Variants in SPATA13 observed in about 807,000 individuals in gnomAD.
The protein encoded by SPATA13 is spermatogenesis associated 13.
A neutral mutation model predicts 104.0 loss-of-function variants in SPATA13; 50 were observed. The observed-to-expected ratio is 0.48, with a 90% CI of 0.38 to 0.61. The LOEUF (loss-of-function observed/expected upper bound fraction) is 0.61. SPATA13 is among the 20% of genes least tolerant of loss of function. SPATA13 has a pLI of 0.00. For missense variants in SPATA13, 1,524 were observed against 1,690.6 expected (o/e 0.90, Z 1.73); for synonymous variants, 606 against 667.5 (o/e 0.91, Z 1.42).
intron 3 of SPATA13, among the ~76,000 whole-genome samples, chr13:24,108,148 G>C (rs967920250): frequency 6.6e-6 from 1 of 152,166 alleles, no homozygotes; most frequent in Non-Finnish European, 1.5e-5. Context: ...GGGGGAAGGG[G>C]GGACACGCCC....
At chr13:24,271,029 T>A (rs901204338) in intron 4 of SPATA13, 3 of 717,312 alleles carry the variant, frequency 4.2e-6, no homozygotes, top group Non-Finnish European at 7.6e-6. Context: ...TCACTCTCTC[T>A]CTCTCTCTCT....
chr13:24,258,333 G>A (rs1235337235), intron 4 of SPATA13, among the ~76,000 whole-genome samples: 11 of 146,448 alleles, frequency 7.5e-5, no homozygotes, highest in Non-Finnish European at 1.0e-4. Context: ...TGTTTATACC[G>A]GAGTTTACCA....
Position 24,143,187 on chromosome 13 carries a change from G to A in SPATA13, c.-111-79632G>A, listed in dbSNP as rs1276181501. ...ATTCCTTTTCTGGCATTTTGGCCTGGTCCAAACCAGAGAAAGCCTGCAGAC... is the reference window on the plus strand; with the variant it reads ...ATTCCTTTTCTGGCATTTTGGCCTGATCCAAACCAGAGAAAGCCTGCAGAC... On this transcript the variant is annotated intron_variant, in intron 3 of 14. Coordinates refer to the SPATA13 transcript ENST00000424834. Among the ~76,000 whole-genome samples, 8 of 152,310 alleles carry A rather than the reference G, an allele frequency of 5.3e-5. No homozygotes were observed. In the East Asian group the frequency reaches 1.4e-3, roughly 26 times the overall value.
chr13:24,246,071 G>A (rs1029760920), intron 2 of SPATA13, among the ~76,000 whole-genome samples: 2 of 152,124 alleles, frequency 1.3e-5, no homozygotes, highest in Non-Finnish European at 1.5e-5. Flanking sequence ...GGCAGGGTGC[G>A]TGTCACGTAA....
In SPATA13 at chr13:24,286,462, C is replaced by A; in HGVS notation, c.2481+69C>A. On this transcript the variant is annotated intron_variant, in intron 6 of 12. Transcript: ENST00000382108. This position sits in a 1 kb window ranked among gnomAD's most constrained non-coding sequence, Gnocchi z 4.9. Reference sequence around the variant, plus strand: ...GCTGCAGGATCCTTTCAGGTCAGAACTCGCCTTTTATCAGGTCAGCTCTTT... The same window carrying A: ...GCTGCAGGATCCTTTCAGGTCAGAAATCGCCTTTTATCAGGTCAGCTCTTT... 6.7e-7 allele frequency: 1 copy of A among 1,489,370 alleles called. No homozygotes were observed. Among genetic ancestry groups the A allele is most frequent in the Non-Finnish European group, 9.1e-7 (1 of 1,102,878 alleles). The allele number at this position is 1,489,370 out of a possible 1,614,324, so 92.3% of individuals were successfully genotyped here. A position where few individuals can be genotyped will look rare whatever the true frequency, so the allele number is the denominator to read the frequency against.
chr13:24,001,736 G>A (rs1201762380), intron 2 of SPATA13, among the ~76,000 whole-genome samples: 2 of 152,020 alleles, frequency 1.3e-5, no homozygotes, highest in Non-Finnish European at 2.9e-5. Context: ...GGGAAATGAA[G>A]AAAGAGAACC....
At chr13:24,133,200 C>T (rs1881443573) in intron 3 of SPATA13, among the ~76,000 whole-genome samples, 1 of 152,092 alleles carries the variant, frequency 6.6e-6, no homozygotes, top group Non-Finnish European at 1.5e-5. Flanking sequence ...CAGATGATAG[C>T]ACAGAGATCA....
chr13:23,981,071 T>C (rs1874870408), intron 1 of SPATA13, among the ~76,000 whole-genome samples: 1 of 152,100 alleles, frequency 6.6e-6, no homozygotes, highest in Non-Finnish European at 1.5e-5. Flanking sequence ...GAAAAATATA[T>C]AAAGCCGGTA....
At chr13:24,026,257 C>CTT (rs1278714421) in intron 3 of SPATA13, among the ~76,000 whole-genome samples, 1 of 152,078 alleles carries the variant, frequency 6.6e-6, no homozygotes, top group Non-Finnish European at 1.5e-5. Flanking sequence ...TTAAGAAATC[C>CTT]TTTCCTATTT....
intron 2 of SPATA13, among the ~76,000 whole-genome samples, chr13:23,988,379 C>T (rs1875251192): frequency 6.6e-6 from 1 of 152,240 alleles, no homozygotes; most frequent in African/African-American, 2.4e-5. Flanking sequence ...ATTCTGGCCT[C>T]ATGGTATTCT....
chr13:24,124,205 C>T (rs186785311), intron 3 of SPATA13, among the ~76,000 whole-genome samples: 195 of 152,276 alleles, frequency 1.3e-3, no homozygotes, highest in Non-Finnish European at 7.5e-4. Context: ...AACTGATTTT[C>T]GGTTTTTAAA....
intron 10 of SPATA13, among the ~76,000 whole-genome samples, chr13:24,296,063 G>GTAAAA (rs2138764194): frequency 6.6e-6 from 1 of 152,252 alleles, no homozygotes; most frequent in South Asian, 2.1e-4. Context: ...CTATTAATTG[G>GTAAAA]TCAGAACTCA....
rs898936534 is a variant in SPATA13 at position 24,306,677 on chromosome 13, G to C, written c.*3904G>C. On this transcript the variant is annotated 3_prime_UTR_variant, in exon 13 of 13. Transcript: ENST00000382108. ...TAAATATTTGATACAAGTTTACTTA[G>C]CTACAACATACTTTACATTGTTGCC... The C allele has an allele frequency of 1.3e-5, 2 of 151,882 alleles. No homozygotes were observed. The highest frequency in any genetic ancestry group is 4.8e-5 in the African/African-American group (2 of 41,340). The allele number at this position is 151,882 out of a possible 1,614,324, so 9.4% of individuals were successfully genotyped here.
intron 3 of SPATA13, among the ~76,000 whole-genome samples, chr13:24,042,477 T>G (rs1877970023): frequency 6.6e-6 from 1 of 152,214 alleles, no homozygotes; most frequent in African/African-American, 2.4e-5. Context: ...AAGCCATTGG[T>G]GCCGATCCTC....
chr13:24,105,481 G>A (rs1343297763), intron 3 of SPATA13, among the ~76,000 whole-genome samples: 1 of 149,476 alleles, frequency 6.7e-6, no homozygotes, highest in Non-Finnish European at 1.5e-5. Flanking sequence ...CTTCTCAGTG[G>A]CAGGAGTCAT....
At chr13:24,120,580 C>A (rs577511237) in intron 3 of SPATA13, among the ~76,000 whole-genome samples, 2 of 152,320 alleles carry the variant, frequency 1.3e-5, no homozygotes, top group African/African-American at 4.8e-5. Flanking sequence ...ACTATACCAC[C>A]CTCTGCCTCT....
At chr13:24,033,276 A>G (rs957719737) in intron 3 of SPATA13, among the ~76,000 whole-genome samples, 13 of 152,232 alleles carry the variant, frequency 8.5e-5, no homozygotes, top group Non-Finnish European at 1.8e-4. Context: ...GCAGTCAAGT[A>G]TAGAAGAAAA....
At chr13:24,160,551 T>C (rs1171567897), upstream of SPATA13, among the ~76,000 whole-genome samples, 1 of 151,982 alleles carries the variant, frequency 6.6e-6, no homozygotes, top group African/African-American at 2.4e-5. Flanking sequence ...GCCGGGGAAC[T>C]GTTTTTGATG....
intron 4 of SPATA13, among the ~76,000 whole-genome samples, chr13:24,281,401 C>T (rs1317599041): frequency 6.6e-6 from 1 of 152,128 alleles, no homozygotes; most frequent in South Asian, 2.1e-4. Flanking sequence ...GAGCCTGGAA[C>T]CCTGACTTTG....
Sources: gnomAD v4.1 joint callset for allele counts (sites outside exome capture counted in the v4.1 genomes callset) on GRCh38, gnomAD v4.1.1 for gene constraint, Gnocchi (gnomAD v3.1) non-coding constraint, MANE v1.5 for transcripts, NCBI Gene and HGNC (gene_info 2026-07-23, HGNC 2026-07-21) for gene names.